LRRC3B: variants seen among roughly 807,000 people sequenced by gnomAD.
LRRC3B encodes leucine-rich repeat-containing protein 3B.
In LRRC3B, 2 loss-of-function variants were observed where a neutral mutation model predicts 12.8. The observed-to-expected ratio is 0.16, with a 90% CI of 0.06 to 0.49. The LOEUF (loss-of-function observed/expected upper bound fraction) is 0.49, where lower values mean the gene tolerates loss of function less well. Among genes scored for constraint, LRRC3B ranks in the 20% least tolerant of loss-of-function variants. The pLI is 0.96. For missense variants in LRRC3B, 189 were observed against 319.4 expected (o/e 0.59, Z 3.11); for synonymous variants, 132 against 122.0 (o/e 1.08, Z -0.54).
chr3:26,682,817 CA>C (rs989539014), intron 1 of LRRC3B, among the ~76,000 whole-genome samples: 2 of 152,182 alleles, frequency 1.3e-5, no homozygotes, highest in African/African-American at 2.4e-5. Context: ...TTAAAAGTGT[CA>C]AAAAATTGCT....
intron 1 of LRRC3B, among the ~76,000 whole-genome samples, chr3:26,677,524 G>A (rs960595376): frequency 2.0e-5 from 3 of 152,200 alleles, no homozygotes; most frequent in African/African-American, 7.2e-5. Context: ...AGGAAGGGAT[G>A]GCCTATGTGA....
intron 1 of LRRC3B, among the ~76,000 whole-genome samples, chr3:26,705,868 T>G (rs1420308875): frequency 6.6e-6 from 1 of 152,168 alleles, no homozygotes; most frequent in Non-Finnish European, 1.5e-5. Flanking sequence ...AAACTGATAA[T>G]CCCTTTGGAA....
chr3:26,660,659 G>A (rs576736418), intron 1 of LRRC3B, among the ~76,000 whole-genome samples: 1 of 152,078 alleles, frequency 6.6e-6, no homozygotes, highest in South Asian at 2.1e-4. Context: ...ATTGTTCTAG[G>A]GCAAATGTTG....
At chr3:26,696,105 A>G (rs1700310087) in intron 1 of LRRC3B, among the ~76,000 whole-genome samples, 1 of 152,246 alleles carries the variant, frequency 6.6e-6, no homozygotes, top group Non-Finnish European at 1.5e-5. Context: ...TAACAAAAGA[A>G]TAATGTGTAA....
At chr3:26,636,898 CT>C in intron 1 of LRRC3B, among the ~76,000 whole-genome samples, 1 of 97,710 alleles carries the variant, frequency 1.0e-5, no homozygotes, top group African/African-American at 5.0e-5. Context: ...TTCTCTCTCT[CT>C]CTCTTTCTCT....
chr3:26,645,080 A>G (rs955834629), intron 1 of LRRC3B, among the ~76,000 whole-genome samples: 1 of 152,194 alleles, frequency 6.6e-6, no homozygotes, highest in Non-Finnish European at 1.5e-5. Context: ...AATATTAACA[A>G]TTGGTCAATC....
intron 1 of LRRC3B, among the ~76,000 whole-genome samples, chr3:26,645,412 C>T (rs796399606): frequency 1.3e-5 from 2 of 152,184 alleles, no homozygotes; most frequent in African/African-American, 4.8e-5. Flanking sequence ...TTGACTTGCT[C>T]AGACACACTC....
chr3:26,685,523 C>CTA (rs57407254), intron 1 of LRRC3B, among the ~76,000 whole-genome samples: 159 of 38,288 alleles, frequency 4.2e-3, no homozygotes, highest in South Asian at 6.1e-3. Context: ...CTCTCTCTCT[C>CTA]TATATATATA....
At chr3:26,693,221 C>G (rs567618861) in intron 1 of LRRC3B, among the ~76,000 whole-genome samples, 2 of 144,082 alleles carry the variant, frequency 1.4e-5, no homozygotes, top group Admixed American at 6.8e-5. Context: ...CCCAGCTACA[C>G]AGGAGGCTGA....
intron 1 of LRRC3B, among the ~76,000 whole-genome samples, chr3:26,692,758 G>A (rs78205284): frequency 1.3e-5 from 2 of 152,080 alleles, no homozygotes; most frequent in Non-Finnish European, 2.9e-5. Flanking sequence ...GTTAGCTTTC[G>A]CTACATAACA....
At chr3:26,682,409 C>T (rs533789321) in intron 1 of LRRC3B, among the ~76,000 whole-genome samples, 10 of 152,290 alleles carry the variant, frequency 6.6e-5, no homozygotes, top group African/African-American at 2.4e-4. Flanking sequence ...GCCACCTCTC[C>T]AACCTCAAAC....
chr3:26,650,216 G>A (rs1699238022), intron 1 of LRRC3B, among the ~76,000 whole-genome samples: 1 of 152,020 alleles, frequency 6.6e-6, no homozygotes, highest in South Asian at 2.1e-4. Flanking sequence ...GTAAATATCT[G>A]TCACCTGCTC....
At chr3:26,653,842 T>A (rs7615531) in intron 1 of LRRC3B, among the ~76,000 whole-genome samples, 12 of 152,152 alleles carry the variant, frequency 7.9e-5, no homozygotes, top group East Asian at 1.9e-4. Flanking sequence ...CAAAGATACC[T>A]TATTGAAAAC....
At chr3:26,652,978 C>T (rs1376245484) in intron 1 of LRRC3B, among the ~76,000 whole-genome samples, 1 of 151,900 alleles carries the variant, frequency 6.6e-6, no homozygotes, top group Non-Finnish European at 1.5e-5. Flanking sequence ...AGATAACTGT[C>T]ATTTCCACCA....
intron 1 of LRRC3B, among the ~76,000 whole-genome samples, chr3:26,643,767 G>A (rs1027629108): frequency 2.6e-5 from 4 of 152,226 alleles, no homozygotes; most frequent in Non-Finnish European, 5.9e-5. Context: ...TGAGTCTGAT[G>A]TCAGGGGACT....
intron 1 of LRRC3B, among the ~76,000 whole-genome samples, chr3:26,662,314 T>C (rs1208425048): frequency 1.3e-5 from 2 of 152,154 alleles, no homozygotes; most frequent in East Asian, 3.9e-4. Context: ...AAAAATATTC[T>C]TGTTTGCTAG....
chr3:26,681,207 G>A (rs62247435), intron 1 of LRRC3B, among the ~76,000 whole-genome samples: 16,391 of 152,170 alleles, frequency 0.11, 1,079 homozygotes, highest in South Asian at 0.21. Flanking sequence ...AATTAACAAT[G>A]CGAATCCTTT....
chr3:26,683,584 C>T (rs1700014518), intron 1 of LRRC3B, among the ~76,000 whole-genome samples: 1 of 152,192 alleles, frequency 6.6e-6, no homozygotes, highest in African/African-American at 2.4e-5. Flanking sequence ...ATTCAAAGTC[C>T]TTGTCCATGA....
At chr3:26,687,135 T>C (rs1208609704) in intron 1 of LRRC3B, among the ~76,000 whole-genome samples, 3 of 152,130 alleles carry the variant, frequency 2.0e-5, no homozygotes, top group African/African-American at 7.2e-5. Context: ...CCCTTTCTTA[T>C]AAGTGCAGGG....
Sources: gnomAD v4.1 joint callset for allele counts (sites outside exome capture counted in the v4.1 genomes callset) on GRCh38, gnomAD v4.1.1 for gene constraint, MANE v1.5 for transcripts, NCBI Gene and HGNC (gene_info 2026-07-23, HGNC 2026-07-21) for gene names.